MROH9: variants seen among roughly 807,000 people sequenced by gnomAD.
The protein encoded by MROH9 is maestro heat like repeat family member 9, also known as maestro heat-like repeat-containing protein family member 9.
Under a neutral mutation model 98.2 loss-of-function variants are expected in MROH9, and 92 were observed. The ratio of observed to expected loss-of-function variants is 0.94; its 90% CI spans 0.79 to 1.11. MROH9 has a LOEUF of 1.11. Ranked by LOEUF, MROH9 falls within the 50% of genes most tolerant of loss-of-function variation. The pLI, the probability that MROH9 is intolerant of heterozygous loss-of-function variation, is 0.00. For synonymous variants in MROH9, 397 were observed against 368.9 expected, an observed-to-expected ratio of 1.08 and a Z score of -0.87; for missense variants, 1,057 against 1,014.8, an observed-to-expected ratio of 1.04 and a Z score of -0.57.
intron 16 of MROH9, 85 bp from the exon 17 acceptor site, chr1:171,016,078 G>T: frequency 2.1e-6 from 2 of 950,350 alleles, no homozygotes; most frequent in Non-Finnish European, 2.8e-6. Flanking sequence ...ATGATGTGCC[G>T]CCCAGACTCA....
At chr1:170,981,285 A>C (rs1403684884) in intron 8 of MROH9, among the ~76,000 whole-genome samples, 1 of 152,220 alleles carries the variant, frequency 6.6e-6, no homozygotes, top group Non-Finnish European at 1.5e-5. Context: ...AATATAGATC[A>C]TTCTACTATA....
At chr1:170,987,905 G>T (rs761653826) in intron 10 of MROH9, among the ~76,000 whole-genome samples, 132 of 152,118 alleles carry the variant, frequency 8.7e-4, no homozygotes, top group Non-Finnish European at 1.6e-3. Flanking sequence ...GACTAAGTGG[G>T]AATTTTTAAA....
rs113284636 is a variant in MROH9, at chr1:170,995,573, C to T, written c.1337+42C>T. ...TATTTCAGATTAAATAAGAGATAAG[C>T]GTCCAGCTGTCAATACTTCTACCCT... On this transcript the variant is annotated intron_variant, in intron 13 of 21. Transcript: ENST00000367759. 2,000 of 1,605,404 alleles carry T rather than the reference C, an allele frequency of 1.2e-3. 23 individuals are homozygous for T. In the African/African-American group the frequency reaches 0.024, roughly 19 times the overall value.
intron 3 of MROH9, among the ~76,000 whole-genome samples, chr1:170,951,711 G>A (rs1649558849): frequency 6.6e-6 from 1 of 152,084 alleles, no homozygotes; most frequent in Non-Finnish European, 1.5e-5. Context: ...GCTAGTATGA[G>A]AGGTTGATCA....
Position 171,064,136 on chromosome 1 carries a change from C to T in MROH9, c.2382C>T (p.Ile794=), listed in dbSNP as rs1654097780. 6.5e-7 allele frequency: 1 copy of T among 1,550,266 alleles called. No individual in the cohort carries two copies. Among genetic ancestry groups the T allele is most frequent in the Non-Finnish European group, 8.7e-7 (1 of 1,146,698 alleles). ...ERLLRDEDPM[I]KQLAEITYDI... ...TGCTCCGAGATGAAGACCCTATGAT[C>T]AAACAGTTGGCTGAAATAACCTATG... The change falls in exon 22 of 22, where the codon ATC becomes ATT. Residue 794 remains isoleucine (I), a synonymous_variant. Transcript: ENST00000367759.
At chr1:170,950,646 C>T (rs573341867) in intron 3 of MROH9, among the ~76,000 whole-genome samples, 2 of 152,182 alleles carry the variant, frequency 1.3e-5, no homozygotes, top group African/African-American at 2.4e-5. Context: ...TCACTGTTTA[C>T]GCTTTTGTAC....
At chr1:170,981,867 G>T (rs1394689631) in intron 8 of MROH9, among the ~76,000 whole-genome samples, 1 of 151,940 alleles carries the variant, frequency 6.6e-6, no homozygotes, top group Admixed American at 6.6e-5. Flanking sequence ...ACTTATTAAA[G>T]AAATGTAAAT....
chr1:170,977,438 G>C (rs1483610665), intron 8 of MROH9, among the ~76,000 whole-genome samples: 2 of 152,064 alleles, frequency 1.3e-5, no homozygotes, highest in East Asian at 3.8e-4. Flanking sequence ...CCTTGTACAG[G>C]GTCTGTATTT....
At chr1:171,048,881 A>G (rs547555219) in intron 20 of MROH9, among the ~76,000 whole-genome samples, 15 of 152,318 alleles carry the variant, frequency 9.8e-5, no homozygotes, top group African/African-American at 3.6e-4. Context: ...CTGCCAGGAC[A>G]GACCTTTTCC....
chr1:170,942,691 G>C (rs566190794), intron 1 of MROH9, among the ~76,000 whole-genome samples: 1 of 152,116 alleles, frequency 6.6e-6, no homozygotes, highest in African/African-American at 2.4e-5. Context: ...TACCTCCCTG[G>C]ATAGATGACT....
At chr1:170,974,096 G>C (rs1041674489) in intron 8 of MROH9, among the ~76,000 whole-genome samples, 18 of 152,224 alleles carry the variant, frequency 1.2e-4, no homozygotes, top group African/African-American at 4.3e-4. Flanking sequence ...TGCAGACATA[G>C]TAATAGTAAT....
chr1:171,020,114 G>T (rs1192579608), intron 17 of MROH9, among the ~76,000 whole-genome samples: 1 of 152,128 alleles, frequency 6.6e-6, no homozygotes, highest in Non-Finnish European at 1.5e-5. Context: ...TGAAATTGTG[G>T]CAGTAATTAA....
intron 1 of MROH9, among the ~76,000 whole-genome samples, chr1:170,939,019 T>G (rs1649011313): frequency 6.6e-6 from 1 of 152,200 alleles, no homozygotes; most frequent in Admixed American, 6.5e-5. Context: ...GCTGAAGAAA[T>G]AGCCTAATTG....
At chr1:170,963,585 AT>A (rs1383242603) in intron 6 of MROH9, among the ~76,000 whole-genome samples, 1 of 152,146 alleles carries the variant, frequency 6.6e-6, no homozygotes, top group Non-Finnish European at 1.5e-5. Flanking sequence ...ATCAACCTAA[AT>A]AACCACCTGT....
intron 10 of MROH9, 35 bp from the exon 11 acceptor site, chr1:170,989,820 G>A (rs1651281347): frequency 1.9e-6 from 3 of 1,571,314 alleles, no homozygotes; most frequent in Admixed American, 3.4e-5. Context: ...CATGGAACAG[G>A]AGATTCTTGT....
At chr1:170,957,807 T>G (rs1381595553) in intron 3 of MROH9, among the ~76,000 whole-genome samples, 1 of 129,354 alleles carries the variant, frequency 7.7e-6, no homozygotes, top group Non-Finnish European at 1.7e-5. Flanking sequence ...TTTTTTTTTT[T>G]TTGTTTGTTT....
chr1:171,011,692 G>A (rs569728099), intron 15 of MROH9, among the ~76,000 whole-genome samples: 3 of 152,234 alleles, frequency 2.0e-5, no homozygotes, highest in East Asian at 1.9e-4. Context: ...AAAGCTGCCC[G>A]CAGAAGATCC....
At chr1:170,946,296 G>A (rs1217526489) in intron 2 of MROH9, among the ~76,000 whole-genome samples, 1 of 151,716 alleles carries the variant, frequency 6.6e-6, no homozygotes, top group Non-Finnish European at 1.5e-5. Flanking sequence ...AAAAAAATCA[G>A]ATAAATCCAA....
At chr1:171,015,213 T>C in intron 16 of MROH9, 1 of 361,868 alleles carries the variant, frequency 2.8e-6, no homozygotes, top group Non-Finnish European at 5.4e-6. Context: ...ACATAAGCCA[T>C]GGTCTGTTTA....
Sources: gnomAD v4.1 joint callset for allele counts (sites outside exome capture counted in the v4.1 genomes callset) on GRCh38, gnomAD v4.1.1 for gene constraint, MANE v1.5 for transcripts, NCBI Gene and HGNC (gene_info 2026-07-23, HGNC 2026-07-21) for gene names.